CPNE8: variants seen among roughly 807,000 people sequenced by gnomAD.
CPNE8 encodes the protein copine-8.
A neutral mutation model predicts 81.5 loss-of-function variants in CPNE8; 45 were observed. The observed-to-expected ratio is 0.55, with a 90% confidence interval of 0.44 to 0.71. The LOEUF (loss-of-function observed/expected upper bound fraction) is 0.71, where lower values mean the gene tolerates loss of function less well. Ranked by LOEUF, CPNE8 falls within the 30% of genes least tolerant of loss-of-function variation. CPNE8 has a pLI of 0.00. For missense variants in CPNE8, 594 were observed against 672.1 expected (o/e 0.88, Z 1.28); for synonymous variants, 252 against 226.3 (o/e 1.11, Z -1.02).
intron 14 of CPNE8, among the ~76,000 whole-genome samples, chr12:38,698,662 C>T (rs1207002600): frequency 1.3e-5 from 2 of 152,178 alleles, no homozygotes; most frequent in Non-Finnish European, 2.9e-5. Flanking sequence ...CAGTCTTCCC[C>T]CGTTGCATTG....
rs147935673 is a variant in CPNE8 at position 38,847,305 on chromosome 12, G to T, written c.290+1254C>A. On this transcript the variant is annotated intron_variant, in intron 4 of 19. Coordinates refer to ENST00000331366, the MANE Select transcript of CPNE8 (RefSeq NM_153634.3). ...GGTTTTAACATAAAGTTAAGTCTGG[G>T]ATTAAGCAGGAAAAATTAAGAGTCC... Among the ~76,000 whole-genome samples, 467 of 152,238 alleles carry T rather than the reference G, an allele frequency of 3.1e-3. 5 individuals carry two copies. Among genetic ancestry groups the T allele is most frequent in the African/African-American group, 0.01 (432 of 41,534 alleles).
Position 38,653,628 on chromosome 12 carries a change from A to AAAAAAAAAAAG in CPNE8, c.*253_*254insCTTTTTTTTTT. ...TTAGCTGTTTCTGTTAAAAAAAAAA[A>AAAAAAAAAAAG]GAAAGAAAGATTTAGAGAAGACATC... On this transcript the variant is annotated 3_prime_UTR_variant, in exon 20 of 20. Transcript: ENST00000331366. 3.4e-6 allele frequency: 1 copy of AAAAAAAAAAAG among 294,238 alleles called. No individual in the cohort carries two copies. 18.2% of individuals were successfully genotyped at this position (294,238 alleles called of 1,614,324 possible). A position where few individuals can be genotyped will look rare whatever the true frequency, so the allele number is the denominator to read the frequency against.
At chr12:38,778,426 A>G (rs987547988) in intron 6 of CPNE8, among the ~76,000 whole-genome samples, 1 of 152,186 alleles carries the variant, frequency 6.6e-6, no homozygotes, top group African/African-American at 2.4e-5. Context: ...CCTATCTAAA[A>G]CTATGGGTTT....
chr12:38,896,273 C>T lies in CPNE8; in HGVS notation c.98+9164G>A, dbSNP rs190045043. On this transcript the variant is annotated intron_variant, in intron 1 of 19. Transcript: ENST00000331366. ...TCAGAAGGTCTGCAACATTATTCTT[C>T]ACAGAATAAACCTGACAAAAACCCT... is the stretch of plus-strand genomic sequence containing the variant. Among the ~76,000 whole-genome samples, 688 of 152,142 alleles carry T rather than the reference C, an allele frequency of 4.5e-3. 8 individuals are homozygous for T. Among genetic ancestry groups the T allele is most frequent in the African/African-American group, 0.015 (629 of 41,508 alleles).
At chr12:38,822,558 A>G (rs1467182298) in intron 6 of CPNE8, among the ~76,000 whole-genome samples, 2 of 152,204 alleles carry the variant, frequency 1.3e-5, no homozygotes, top group African/African-American at 2.4e-5. Context: ...GTTACTTACA[A>G]TAATACTCTT....
At chr12:38,731,865 C>A (rs1397127387) in intron 10 of CPNE8, among the ~76,000 whole-genome samples, 2 of 151,554 alleles carry the variant, frequency 1.3e-5, no homozygotes, top group African/African-American at 2.4e-5. Flanking sequence ...TTCTCTTTGA[C>A]CTTCAAAAGT....
At chr12:38,904,616 G>GT (rs764325260) in intron 1 of CPNE8, among the ~76,000 whole-genome samples, 33 of 151,938 alleles carry the variant, frequency 2.2e-4, no homozygotes, top group Non-Finnish European at 3.7e-4. Context: ...CTACAGGCGC[G>GT]TGCCACCACG....
At chr12:38,872,497 A>G (rs1944007943) in intron 3 of CPNE8, among the ~76,000 whole-genome samples, 1 of 152,234 alleles carries the variant, frequency 6.6e-6, no homozygotes, top group Non-Finnish European at 1.5e-5. Flanking sequence ...TTGAATGTGG[A>G]GACACTCTAG....
chr12:38,774,334 T>A (rs373160049), intron 7 of CPNE8, among the ~76,000 whole-genome samples: 2 of 152,150 alleles, frequency 1.3e-5, no homozygotes, highest in African/African-American at 4.8e-5. Context: ...TGTATCTTAT[T>A]GACTGTGAAC....
intron 6 of CPNE8, among the ~76,000 whole-genome samples, chr12:38,793,974 T>G (rs2136935691): frequency 6.6e-6 from 1 of 152,236 alleles, no homozygotes; most frequent in Admixed American, 6.5e-5. Context: ...AAGGAAAGAA[T>G]AGTTTCTTTA....
intron 14 of CPNE8, among the ~76,000 whole-genome samples, chr12:38,697,808 C>T (rs58865411): frequency 0.04 from 5,964 of 148,764 alleles, 418 homozygotes; most frequent in African/African-American, 0.14. Context: ...ACCTCCTCCT[C>T]TCTCTCTCTC....
At chr12:38,850,937 T>C (rs1943634871) in intron 3 of CPNE8, among the ~76,000 whole-genome samples, 1 of 152,204 alleles carries the variant, frequency 6.6e-6, no homozygotes, top group Admixed American at 6.5e-5. Flanking sequence ...ATATAGAGCA[T>C]TTAAGAAGTG....
chr12:38,848,611 T>G lies in CPNE8; in HGVS notation c.238A>C (p.Lys80Gln). The G allele has an allele frequency of 6.3e-7, 1 of 1,596,212 alleles. No homozygotes were observed. The highest frequency in any genetic ancestry group is 1.4e-5 in the African/African-American group (1 of 73,676). The change falls in exon 4 of 20, where the codon AAG becomes CAG. Residue 80 changes from lysine (K) to glutamine (Q), a missense_variant. Lys to Gln is a moderately conservative substitution (Grantham distance 53, BLOSUM62 1). Transcript: ENST00000331366. The part of the protein sequence containing the change: ...DNTLNPDFVR[K>Q]FILDYFFEER... ...TCAAAAAAGTAGTCCAGAATAAACTTTCTTACAAAATCAGGATTTAAAGTA... is the reference window on the plus strand; with the variant it reads ...TCAAAAAAGTAGTCCAGAATAAACTGTCTTACAAAATCAGGATTTAAAGTA...
At chr12:38,699,180 A>C (rs955950054) in intron 14 of CPNE8, among the ~76,000 whole-genome samples, 8 of 152,084 alleles carry the variant, frequency 5.3e-5, no homozygotes, top group African/African-American at 1.9e-4. Context: ...CTTGTTTCAG[A>C]GTTGTTGGAC....
chr12:38,829,113 T>A (rs924498566), intron 6 of CPNE8, among the ~76,000 whole-genome samples: 1 of 152,200 alleles, frequency 6.6e-6, no homozygotes, highest in Non-Finnish European at 1.5e-5. Flanking sequence ...AATCTGATAA[T>A]TAATAGTACA....
chr12:38,676,330 T>C, intron 17 of CPNE8: 1 of 984,350 alleles, frequency 1.0e-6, no homozygotes, highest in Non-Finnish European at 1.2e-6. Flanking sequence ...TGACCAGCCC[T>C]GGGTAAGATC....
At chr12:38,905,813 G>C (rs1446752856), upstream of CPNE8, 13 of 985,202 alleles carry the variant, frequency 1.3e-5, no homozygotes, top group Admixed American at 1.2e-4. Flanking sequence ...CAGCCCGGGC[G>C]GGGGACACAC....
intron 11 of CPNE8, among the ~76,000 whole-genome samples, chr12:38,728,155 C>T (rs980112764): frequency 6.6e-6 from 1 of 152,040 alleles, no homozygotes; most frequent in Non-Finnish European, 1.5e-5. Context: ...TTCCAGCATT[C>T]AACAACAACA....
At chr12:38,743,027 A>G (rs949420802) in intron 10 of CPNE8, among the ~76,000 whole-genome samples, 3 of 152,104 alleles carry the variant, frequency 2.0e-5, no homozygotes, top group Non-Finnish European at 4.4e-5. Context: ...AGCATACACA[A>G]TAGTAATTAA....
Sources: gnomAD v4.1 joint callset for allele counts (sites outside exome capture counted in the v4.1 genomes callset) on GRCh38, gnomAD v4.1.1 for gene constraint, MANE v1.5 for transcripts, NCBI Gene and HGNC (gene_info 2026-07-23, HGNC 2026-07-21) for gene names.